CDC40: variants seen among roughly 807,000 people sequenced by gnomAD.
CDC40 encodes cell division cycle 40.
CDC40 carries 27 observed loss-of-function variants against 80.6 expected under a neutral mutation model. The ratio of observed to expected loss-of-function variants is 0.33; its 90% CI spans 0.25 to 0.46. CDC40 has a LOEUF of 0.46. CDC40 is among the 20% of genes least tolerant of loss of function. The pLI is 1.00. For synonymous variants in CDC40, 221 were observed against 232.6 expected, an observed-to-expected ratio of 0.95 and a Z score of 0.45; for missense variants, 486 against 694.1, an observed-to-expected ratio of 0.70 and a Z score of 3.37.
At chr6:110,217,159 A>G (rs948112460) in intron 9 of CDC40, among the ~76,000 whole-genome samples, 1 of 152,174 alleles carries the variant, frequency 6.6e-6, no homozygotes, top group Non-Finnish European at 1.5e-5. Flanking sequence ...AAAGTCTCCT[A>G]CATTCTGAAT....
intron 1 of CDC40, among the ~76,000 whole-genome samples, chr6:110,191,199 T>G (rs1562199781): frequency 6.6e-6 from 1 of 152,216 alleles, no homozygotes; most frequent in Non-Finnish European, 1.5e-5. Context: ...GGTATTATTT[T>G]TCTTGTTGGT....
chr6:110,201,660 C>G lies in CDC40; in HGVS notation c.379C>G (p.Gln127Glu). The change falls in exon 3 of 15, where the codon CAG becomes GAG. Residue 127 changes from glutamine to glutamate, a missense_variant. By Grantham distance (29) the Gln-to-Glu change is conservative. Coordinates refer to ENST00000307731, the MANE Select transcript of CDC40 (RefSeq NM_015891.3). Reference sequence around the variant, plus strand: ...TCATATCAATGATTTCATGTTTGAGCAGCAAAGGAGAACTTTTGCAACATA... The same window carrying G: ...TCATATCAATGATTTCATGTTTGAGGAGCAAAGGAGAACTTTTGCAACATA... ...PAHINDFMFE[Q>E]QRRTFATYGY... 1.9e-6 allele frequency: 3 copies of G among 1,613,272 alleles called. No individual in the cohort carries two copies. Among genetic ancestry groups the G allele is most frequent in the Non-Finnish European group, 2.5e-6 (3 of 1,179,464 alleles).
rs146065880 is a variant in CDC40 at position 110,228,288 on chromosome 6, C to G, written c.1418-544C>G. On this transcript the variant is annotated intron_variant, in intron 13 of 14. Transcript: ENST00000307731. ...TTGTTAAGTGGTGCATGACTATAGA[C>G]GCTGCAGTTTAGGCTCTAGGGGCTT... Among the ~76,000 whole-genome samples the G allele has an allele frequency of 3.3e-5, 5 of 152,254 alleles. No homozygotes were observed. In the East Asian group the frequency reaches 9.6e-4, roughly 29 times the overall value.
At chr6:110,200,893 A>C (rs1159917660) in intron 2 of CDC40, among the ~76,000 whole-genome samples, 2 of 152,206 alleles carry the variant, frequency 1.3e-5, no homozygotes, top group Admixed American at 1.3e-4. Flanking sequence ...GGTATAAGAA[A>C]AGTAATGTGA....
In CDC40 at chr6:110,197,510, A is replaced by G. The variant is rs1777433644; in HGVS notation, c.277-4048A>G. On this transcript the variant is annotated intron_variant, in intron 2 of 14. Coordinates refer to ENST00000307731, the MANE Select transcript of CDC40 (RefSeq NM_015891.3). ...ATTAACTGTAGTCACCATGTTGTACAATAGATCTTTTGAACTTATTCCTCC... is the reference window on the plus strand; with the variant it reads ...ATTAACTGTAGTCACCATGTTGTACGATAGATCTTTTGAACTTATTCCTCC... 2.0e-5 allele frequency among the ~76,000 whole-genome samples: 3 copies of G among 152,264 alleles called. No homozygotes were observed. In the South Asian group the frequency reaches 6.2e-4, roughly 32 times the overall value.
rs747663076 is a variant in CDC40, at chr6:110,219,476, G to T, written c.1203G>T (p.Val401=). The T allele has an allele frequency of 9.7e-6, 15 of 1,542,064 alleles. No homozygotes were observed. The highest frequency in any genetic ancestry group is 1.3e-5 in the Non-Finnish European group (15 of 1,115,198). Residue 401 remains valine (V), a synonymous_variant, in exon 11 of 15, where the codon GTG becomes GTT. Coordinates refer to ENST00000307731, the MANE Select transcript of CDC40 (RefSeq NM_015891.3). ...FVAGMSDKKI[V]QWDIRSGEIV... is the part of the protein sequence containing the mutation. ...CTGGGATGTCTGATAAGAAGATTGT[G>T]CAAGTAAGTCTTTCACAGTATTTTG...
chr6:110,210,780 GGGA>G lies in CDC40; in HGVS notation c.709_711del (p.Glu237del), dbSNP rs1777628108. ...GGAAAACAGGAAGAAGAGAAACCTG[GGGA>G]GGAGAAGACAATCTTACATGGTAAC... On this transcript the variant is annotated inframe_deletion, in exon 6 of 15. Transcript: ENST00000307731. The G allele has an allele frequency of 1.3e-6, 2 of 1,564,486 alleles. No individual in the cohort carries two copies. Among genetic ancestry groups the G allele is most frequent in the East Asian group, 4.7e-5 (2 of 42,612 alleles).
At chr6:110,181,137 A>T (rs1350620596) in intron 1 of CDC40, among the ~76,000 whole-genome samples, 1 of 152,260 alleles carries the variant, frequency 6.6e-6, no homozygotes, top group Non-Finnish European at 1.5e-5. Context: ...GATGAGTGTG[A>T]AAATTGAGTG....
At chr6:110,187,952 T>C (rs1381594353) in intron 1 of CDC40, among the ~76,000 whole-genome samples, 2 of 152,190 alleles carry the variant, frequency 1.3e-5, no homozygotes, top group Non-Finnish European at 2.9e-5. Flanking sequence ...AAGGTTGTGG[T>C]ATTGTCCAAG....
chr6:110,212,075 AGG>A (rs1420043051), intron 6 of CDC40, 56 bp from the exon 7 acceptor site: 25 of 1,414,110 alleles, frequency 1.8e-5, no homozygotes, highest in Non-Finnish European at 2.4e-5. Context: ...TAAGAATGTT[AGG>A]TTTCATGACT....
chr6:110,194,506 A>G lies in CDC40; in HGVS notation c.276+1238A>G, dbSNP rs1285253101. 2.6e-5 allele frequency among the ~76,000 whole-genome samples: 4 copies of G among 152,350 alleles called. No individual in the cohort carries two copies. The East Asian group carries it at 5.8e-4, about 22-fold the overall frequency. The stretch of plus-strand genomic sequence containing the variant: ...GAGTTGTCAGTGCTTGTGTTTAGAC[A>G]GAGCTCCAGCGATTCACTGAGTCTG... On this transcript the variant is annotated intron_variant, in intron 2 of 14. Transcript: ENST00000307731.
Position 110,220,118 on chromosome 6 carries a change from G to A in CDC40, c.1340+249G>A, listed in dbSNP as rs193149707. 5.9e-5 allele frequency among the ~76,000 whole-genome samples: 9 copies of A among 152,114 alleles called. No homozygotes were observed. In the East Asian group the frequency reaches 1.4e-3, roughly 23 times the overall value. ...GTATCTTGAGTTGTTTTTCTTATAC[G>A]GATGACAGATTTGTATTTTGCTGTC... On this transcript the variant is annotated intron_variant, in intron 12 of 14. Transcript: ENST00000307731.
chr6:110,212,652 T>G (rs972830250), intron 7 of CDC40, among the ~76,000 whole-genome samples: 4 of 152,348 alleles, frequency 2.6e-5, no homozygotes, highest in African/African-American at 7.2e-5. Flanking sequence ...GTTATCACAC[T>G]TCAGAGATTA....
At chr6:110,185,456 A>G (rs866018758) in intron 1 of CDC40, among the ~76,000 whole-genome samples, 3 of 151,396 alleles carry the variant, frequency 2.0e-5, no homozygotes, top group Middle Eastern at 3.4e-3. Flanking sequence ...TTTAGCCGGG[A>G]TGGTCTCGAT....
At chr6:110,222,384 C>T (rs928801891) in intron 12 of CDC40, among the ~76,000 whole-genome samples, 1 of 152,108 alleles carries the variant, frequency 6.6e-6, no homozygotes, top group African/African-American at 2.4e-5. Context: ...TGGTAAAACC[C>T]CGTCTGTACT....
Position 110,202,965 on chromosome 6 carries a change from A to G in CDC40, c.406+1278A>G, listed in dbSNP as rs138469729. 6.5e-3 allele frequency among the ~76,000 whole-genome samples: 992 copies of G among 152,294 alleles called. 8 individuals are homozygous for G. Among genetic ancestry groups the G allele is most frequent in the African/African-American group, 0.023 (953 of 41,560 alleles). Reference sequence around the variant, plus strand: ...CAAAAAATGAATTTGGGGCTATAGTATATTAGGCAGCCTAAAATAAACGGA... The same window carrying G: ...CAAAAAATGAATTTGGGGCTATAGTGTATTAGGCAGCCTAAAATAAACGGA... On this transcript the variant is annotated intron_variant, in intron 3 of 14. Transcript: ENST00000307731.
intron 14 of CDC40, among the ~76,000 whole-genome samples, chr6:110,229,494 G>T (rs1323240306): frequency 6.6e-6 from 1 of 152,146 alleles, no homozygotes. Context: ...AGAAATCCCA[G>T]TAACTTTGTT....
chr6:110,193,001 G>T (rs1777371482), intron 1 of CDC40, among the ~76,000 whole-genome samples, 181 bp from the exon 2 acceptor site: 1 of 152,020 alleles, frequency 6.6e-6, no homozygotes, highest in Admixed American at 6.6e-5. Flanking sequence ...ATTTCAAAAA[G>T]AAACTTTTTT....
rs1777744829 is a variant in CDC40 at position 110,219,757 on chromosome 6, A to G, written c.1228A>G (p.Ile410Val). 1.2e-6 allele frequency: 2 copies of G among 1,613,896 alleles called. No individual in the cohort carries two copies. Among genetic ancestry groups the G allele is most frequent in the Non-Finnish European group, 1.7e-6 (2 of 1,179,964 alleles). The change falls in exon 12 of 15, where the codon ATT (isoleucine) becomes GTT (valine). Residue 410 changes from isoleucine (I) to valine (V), a missense_variant. By Grantham distance (29) the Ile-to-Val change is conservative. Transcript: ENST00000307731. ...IVQWDIRSGE[I>V]VQEYDRHLGA... Reference sequence around the variant, plus strand: ...ACAGTGGGACATTCGAAGTGGAGAAATTGTGCAGGAATATGATCGGCATTT... The same window carrying G: ...ACAGTGGGACATTCGAAGTGGAGAAGTTGTGCAGGAATATGATCGGCATTT...
Sources: allele counts gnomAD v4.1 joint callset (sites outside exome capture counted in the v4.1 genomes callset), GRCh38; gene constraint gnomAD v4.1.1; transcripts MANE v1.5; gene names NCBI Gene and HGNC (gene_info 2026-07-23, HGNC 2026-07-21).